Variants in NAPSA observed in about 807,000 individuals in gnomAD.
NAPSA encodes the protein napsin A aspartic peptidase, also known as napsin-A.
NAPSA carries 37 observed loss-of-function variants against 36.7 expected under a neutral mutation model. The observed-to-expected ratio is 1.01, with a 90% CI of 0.78 to 1.33. The LOEUF is 1.33. Ranked by LOEUF, NAPSA falls within the 40% of genes most tolerant of loss-of-function variation. The pLI, the probability that NAPSA is intolerant of heterozygous loss-of-function variation, is 0.00. For missense variants in NAPSA, 532 were observed against 543.8 expected (o/e 0.98, Z 0.21); for synonymous variants, 222 against 234.5 (o/e 0.95, Z 0.49).
chr19:50,361,847 C>T, intron 3 of NAPSA, 66 bp from the exon 4 acceptor site: 1 of 1,604,684 alleles, frequency 6.2e-7, no homozygotes, highest in East Asian at 2.2e-5. Context: ...GCCCCTTTGA[C>T]TTTCTGACCT....
At position 50,358,623 on chromosome 19, in the gene NAPSA, A is replaced by G. The variant is rs2037425691; in HGVS notation, c.1193T>C (p.Leu398Pro). The G allele has an allele frequency of 3.1e-6, 5 of 1,612,668 alleles. No individual in the cohort carries two copies. The highest frequency in any genetic ancestry group is 4.2e-6 in the Non-Finnish European group (5 of 1,179,814). The change falls in exon 9 of 9, where the codon CTG becomes CCG. Residue 398 changes from leucine (L) to proline (P), a missense_variant. By Grantham distance (98) the Leu-to-Pro change is moderately conservative. Transcript: ENST00000253719. ...CGCTCCGCGAGTGCGAGCGCGCGCCAGGCCCACCCGGGCGCTGCTCTTCAT... is the reference window on the plus strand; with the variant it reads ...CGCTCCGCGAGTGCGAGCGCGCGCCGGGCCCACCCGGGCGCTGCTCTTCAT... ...GDMKSSARVG[L>P]ARARTRGADL...
rs1401189688 is a variant in NAPSA at position 50,362,111 on chromosome 19, A to C, written c.226-19T>G. The C allele has an allele frequency of 1.6e-5, 26 of 1,613,900 alleles. No homozygotes were observed. The Middle Eastern group carries it at 8.3e-4, about 51-fold the overall frequency. On this transcript the variant is annotated intron_variant, in intron 2 of 8. Coordinates refer to ENST00000253719, the MANE Select transcript of NAPSA (RefSeq NM_004851.3). ...ACTGCACCTGATAGCAAAAGAGGAG[A>C]GTAAACGAAGAGTTTGGCTCAAGGG...
intron 4 of NAPSA, chr19:50,361,444 C>A (rs1386492312): frequency 1.7e-6 from 1 of 593,302 alleles, no homozygotes; most frequent in Non-Finnish European, 3.0e-6. Flanking sequence ...GGAAGCTCCT[C>A]CCCCCTGCTT....
chr19:50,364,270 G>A (rs1306200240), intron 1 of NAPSA, among the ~76,000 whole-genome samples: 1 of 141,320 alleles, frequency 7.1e-6, no homozygotes, highest in Non-Finnish European at 1.5e-5. Context: ...AGCTGAGATC[G>A]CGCCATTGCA....
At position 50,359,814 on chromosome 19, in the gene NAPSA, G is replaced by C; in HGVS notation, c.717C>G (p.Asp239Glu). Reference protein sequence around the residue: ...DGGELVLGGSDPAHYIPPLTF... With the variant: ...DGGELVLGGSEPAHYIPPLTF... ...TGAGGGGTGGGATGTAGTGTGCCGGGTCCGAGCCCCCCAGGACCAGCTCTC... is the reference window on the plus strand; with the variant it reads ...TGAGGGGTGGGATGTAGTGTGCCGGCTCCGAGCCCCCCAGGACCAGCTCTC... The change falls in exon 6 of 9, where the codon GAC (aspartate) becomes GAG (glutamate). Residue 239 changes from aspartate (D) to glutamate (E), a missense_variant. Physicochemically the swap from Asp to Glu is conservative, Grantham distance 45 (BLOSUM62 2). This residue lies in a region of NAPSA where 385 missense variants were observed against 371.5 expected (regional missense o/e 1.04). Transcript: ENST00000253719. 1 of 1,614,224 alleles carries C rather than the reference G, an allele frequency of 6.2e-7. No homozygotes were observed. The highest frequency in any genetic ancestry group is 8.5e-7 in the Non-Finnish European group (1 of 1,180,048).
Position 50,361,116 on chromosome 19 carries a change from C to G in NAPSA, c.493G>C (p.Val165Leu). 1 of 1,613,954 alleles carries G rather than the reference C, an allele frequency of 6.2e-7. No individual in the cohort carries two copies. The highest frequency in any genetic ancestry group is 8.5e-7 in the Non-Finnish European group (1 of 1,180,020). The part of the protein sequence containing the change: ...LTIGGIKGAS[V>L]IFGEALWEPS... The stretch of plus-strand genomic sequence containing the variant: ...TCCCAGAGAGCCTCCCCGAAAATCA[C>G]TGATGCACCCTTGATTCCACCAATC... Residue 165 changes from valine (V) to leucine (L), a missense_variant, in exon 5 of 9, where the codon GTG (valine) becomes CTG (leucine). Coordinates refer to ENST00000253719, the MANE Select transcript of NAPSA (RefSeq NM_004851.3).
chr19:50,367,283 T>C (rs2037559825), upstream of NAPSA, among the ~76,000 whole-genome samples: 1 of 152,226 alleles, frequency 6.6e-6, no homozygotes, highest in Non-Finnish European at 1.5e-5. Flanking sequence ...TAGGTATTTA[T>C]TGTAGTCTTT....
At chr19:50,365,709 G>T, upstream of NAPSA, 1 of 1,106,496 alleles carries the variant, frequency 9.0e-7, no homozygotes, top group Non-Finnish European at 1.3e-6. Flanking sequence ...CCACCTCCAG[G>T]TTTAGAAGGA....
In NAPSA at chr19:50,358,654, C is replaced by G. The variant is rs1335911461; in HGVS notation, c.1162G>C (p.Gly388Arg). Reference sequence around the variant, plus strand: ...ACCCGGGCGCTGCTCTTCATGTCCCCGCGGTCGAAGACGGCCACATACGTC... The same window carrying G: ...ACCCGGGCGCTGCTCTTCATGTCCCGGCGGTCGAAGACGGCCACATACGTC... ...LGTYVAVFDRGDMKSSARVGL... is the reference protein window; with the variant it reads ...LGTYVAVFDRRDMKSSARVGL... Residue 388 changes from glycine (G) to arginine (R), a missense_variant, in exon 9 of 9, where the codon GGG (glycine) becomes CGG (arginine). Around this residue, in one of 3 missense-constraint regions of NAPSA, gnomAD observed 385 missense variants for 371.5 expected, o/e 1.04. Coordinates refer to ENST00000253719, the MANE Select transcript of NAPSA (RefSeq NM_004851.3). The G allele has an allele frequency of 1.9e-6, 3 of 1,613,014 alleles. No homozygotes were observed. Among genetic ancestry groups the G allele is most frequent in the Non-Finnish European group, 2.5e-6 (3 of 1,179,934 alleles).
intron 4 of NAPSA, 148 bp from the exon 5 acceptor site, chr19:50,361,288 C>T: frequency 1.5e-6 from 1 of 661,340 alleles, no homozygotes; most frequent in Non-Finnish European, 2.6e-6. Context: ...TCTTGAGAAG[C>T]CCCACCCCTT....
chr19:50,359,306 C>T (rs2037439719), intron 7 of NAPSA, 197 bp from the exon 8 acceptor site: 1 of 867,322 alleles, frequency 1.2e-6, no homozygotes, highest in South Asian at 1.7e-5. Context: ...CGGCCACCAT[C>T]CGCAGAGTCG....
rs748757858 is a variant in NAPSA, at chr19:50,360,990, C to A, written c.619G>T (p.Val207Leu). 1.9e-6 allele frequency: 3 copies of A among 1,614,130 alleles called. No individual in the cohort carries two copies. The highest frequency in any genetic ancestry group is 2.5e-6 in the Non-Finnish European group (3 of 1,180,026). ...GGCTTATCCAATAGCCCCTGCTCCA[C>A]CAGTACATCCATCGGGGGCCGAACT... is the stretch of plus-strand genomic sequence containing the variant. ...EGVRPPMDVL[V>L]EQGLLDKPVF... Residue 207 changes from valine to leucine, a missense_variant, in exon 5 of 9, where the codon GTG (valine) becomes TTG (leucine). Physicochemically the swap from Val to Leu is conservative, Grantham distance 32. This residue lies in a region of NAPSA where 385 missense variants were observed against 371.5 expected (regional missense o/e 1.04). Coordinates refer to ENST00000253719, the MANE Select transcript of NAPSA (RefSeq NM_004851.3).
chr19:50,360,043 T>C (rs971456434), intron 5 of NAPSA, among the ~76,000 whole-genome samples, 181 bp from the exon 6 acceptor site: 2 of 152,150 alleles, frequency 1.3e-5, no homozygotes, highest in Non-Finnish European at 2.9e-5. Flanking sequence ...AGCATGATGC[T>C]TTTCTTGGTG....
At position 50,359,099 on chromosome 19, in the gene NAPSA, A is replaced by T. The variant is rs1437200829; in HGVS notation, c.947T>A (p.Leu316Gln). The change falls in exon 8 of 9, where the codon CTG becomes CAG. Residue 316 changes from leucine (L) to glutamine (Q), a missense_variant. Physicochemically the swap from Leu to Gln is moderately radical, Grantham distance 113 (BLOSUM62 -2). Transcript: ENST00000253719. ...GGGGAGCTTTGGGATTTCCGAGCAC[A>T]GGATGATGTACTGGGGGAGAAGAGG... is the stretch of plus-strand genomic sequence containing the variant. ...IPLLAGEYII[L>Q]CSEIPKLPAV... The T allele has an allele frequency of 6.2e-7, 1 of 1,613,530 alleles. No homozygotes were observed. The highest frequency in any genetic ancestry group is 1.1e-5 in the South Asian group (1 of 91,074).
At chr19:50,359,146 C>T (rs2037437387) in intron 7 of NAPSA, 37 bp from the exon 8 acceptor site, 2 of 1,552,718 alleles carry the variant, frequency 1.3e-6, no homozygotes, top group Non-Finnish European at 8.9e-7. Flanking sequence ...ATGAGAGATT[C>T]CTGCTCTGTT....
chr19:50,360,811 T>A, intron 5 of NAPSA, 130 bp downstream of exon 5: 2 of 893,450 alleles, frequency 2.2e-6, no homozygotes, highest in South Asian at 1.8e-5. Context: ...ATGGCTGACT[T>A]CCTGAATGGA....
rs1215454433 is a variant in NAPSA, at chr19:50,358,757, G to A, written c.1059C>T (p.Leu353=). The stretch of plus-strand genomic sequence containing the variant: ...CCAGGGCCTGGAAACCGGACAAGCA[G>A]AGGCGGACGCCATTTCGAGTAGTCT... ...VIQTTRNGVR[L]CLSGFQALDV... The change falls in exon 9 of 9, where the codon CTC becomes CTT. Residue 353 remains leucine, a synonymous_variant. Coordinates refer to ENST00000253719, the MANE Select transcript of NAPSA (RefSeq NM_004851.3). 3 of 1,612,744 alleles carry A rather than the reference G, an allele frequency of 1.9e-6. No homozygotes were observed. The highest frequency in any genetic ancestry group is 1.7e-5 in the Admixed American group (1 of 59,746).
Position 50,358,633 on chromosome 19 carries a change from G to A in NAPSA, c.1183C>T (p.Arg395Trp), listed in dbSNP as rs754381661. 3.1e-6 allele frequency: 5 copies of A among 1,612,804 alleles called. No homozygotes were observed. The East Asian group carries it at 1.1e-4, about 36-fold the overall frequency. ...GTGCGAGCGCGCGCCAGGCCCACCC[G>A]GGCGCTGCTCTTCATGTCCCCGCGG... ...FDRGDMKSSA[R>W]VGLARARTRG... The change falls in exon 9 of 9, where the codon CGG (arginine) becomes TGG (tryptophan). Residue 395 changes from arginine to tryptophan, a missense_variant. Arg to Trp is a moderately radical substitution (Grantham distance 101). Coordinates refer to ENST00000253719, the MANE Select transcript of NAPSA (RefSeq NM_004851.3).
At chr19:50,367,956 G>T (rs554657898), upstream of NAPSA, among the ~76,000 whole-genome samples, 20 of 152,108 alleles carry the variant, frequency 1.3e-4, no homozygotes, top group African/African-American at 4.6e-4. Flanking sequence ...TCAGGAGTTC[G>T]AGGCCAGTCT....
Sources: gnomAD v4.1 joint callset for allele counts (sites outside exome capture counted in the v4.1 genomes callset) on GRCh38, gnomAD v4.1.1 for gene constraint, gnomAD v4.1.1 regional missense constraint, MANE v1.5 for transcripts, NCBI Gene and HGNC (gene_info 2026-07-23, HGNC 2026-07-21) for gene names.